Variants in DAPL1 observed in about 807,000 individuals in gnomAD.
The protein encoded by DAPL1 is death-associated protein-like 1.
DAPL1 carries 17 observed loss-of-function variants against 12.9 expected under a neutral mutation model. That is an observed-to-expected ratio of 1.32 (90% CI 0.90 to 1.98). The LOEUF (loss-of-function observed/expected upper bound fraction) is 1.98. DAPL1 is among the 30% of genes most tolerant of loss of function. The pLI, the probability that DAPL1 is intolerant of heterozygous loss-of-function variation, is 0.00. For missense variants in DAPL1, 157 were observed against 125.7 expected (o/e 1.25, Z -1.19); for synonymous variants, 51 against 42.0 (o/e 1.21, Z -0.82).
chr2:158,796,342 G>T (rs1468066561), intron 1 of DAPL1, among the ~76,000 whole-genome samples: 2 of 152,106 alleles, frequency 1.3e-5, no homozygotes, highest in Admixed American at 1.3e-4. Flanking sequence ...GGTGATGGCG[G>T]GTATTGTCTT....
rs1176532423 is a variant in DAPL1, at chr2:158,815,965, T to A, written c.*144T>A. 2 of 636,856 alleles carry A rather than the reference T, an allele frequency of 3.1e-6. No homozygotes were observed. Among genetic ancestry groups the A allele is most frequent in the African/African-American group, 3.7e-5 (2 of 54,648 alleles). The allele number at this position is 636,856 out of a possible 1,614,324, so 39.5% of individuals were successfully genotyped here. A position where few individuals can be genotyped will look rare whatever the true frequency, so the allele number is the denominator to read the frequency against. ...TATCTTCCCCTTTGACTTTAGGTAATAAAGCATCCAAACTTGTAAATCTGA... is the reference window on the plus strand; with the variant it reads ...TATCTTCCCCTTTGACTTTAGGTAAAAAAGCATCCAAACTTGTAAATCTGA... On this transcript the variant is annotated 3_prime_UTR_variant, in exon 4 of 4. Coordinates refer to ENST00000309950, the MANE Select transcript of DAPL1 (RefSeq NM_001017920.3).
At position 158,811,035 on chromosome 2, in the gene DAPL1, G is replaced by T. The variant is rs16843368; in HGVS notation, c.207+3920G>T. Among the ~76,000 whole-genome samples, 553 of 152,282 alleles carry T rather than the reference G, an allele frequency of 3.6e-3. 2 individuals are homozygous for T. The highest frequency in any genetic ancestry group is 0.013 in the African/African-American group (527 of 41,550). Reference sequence around the variant, plus strand: ...CTGGACAGTCATGGCAATAAATTTGGCAATAGTTGTGAAACTTCTCAGAAC... The same window carrying T: ...CTGGACAGTCATGGCAATAAATTTGTCAATAGTTGTGAAACTTCTCAGAAC... On this transcript the variant is annotated intron_variant, in intron 3 of 3. Transcript: ENST00000309950.
chr2:158,811,039 T>A (rs2059227647), intron 3 of DAPL1, among the ~76,000 whole-genome samples: 1 of 152,222 alleles, frequency 6.6e-6, no homozygotes, highest in South Asian at 2.1e-4. Flanking sequence ...AATTTGGCAA[T>A]AGTTGTGAAA....
At chr2:158,798,550 G>C (rs568009355) in intron 1 of DAPL1, among the ~76,000 whole-genome samples, 1 of 152,286 alleles carries the variant, frequency 6.6e-6, no homozygotes, top group South Asian at 2.1e-4. Context: ...ACTTCTAGAC[G>C]TGGCAACAGC....
At chr2:158,796,117 C>T (rs889298006) in intron 1 of DAPL1, among the ~76,000 whole-genome samples, 15 of 152,224 alleles carry the variant, frequency 9.9e-5, no homozygotes, top group Non-Finnish European at 2.9e-5. Flanking sequence ...TTTTATTGTA[C>T]TTAACCATAT....
intron 3 of DAPL1, among the ~76,000 whole-genome samples, chr2:158,812,108 C>G (rs1418998932): frequency 6.6e-6 from 1 of 152,336 alleles, no homozygotes; most frequent in East Asian, 1.9e-4. Context: ...ACTTGACTTT[C>G]CTGTTATCAT....
At chr2:158,799,307 A>G (rs892132463) in intron 1 of DAPL1, among the ~76,000 whole-genome samples, 6 of 152,192 alleles carry the variant, frequency 3.9e-5, no homozygotes, top group African/African-American at 1.2e-4. Context: ...ACTTTGCCCA[A>G]TTCCAATTGA....
intron 2 of DAPL1, among the ~76,000 whole-genome samples, chr2:158,806,324 G>A (rs1282522565): frequency 8.2e-6 from 1 of 122,344 alleles, no homozygotes; most frequent in Non-Finnish European, 2.0e-5. Context: ...AAAATAACTT[G>A]GCCTGAGAGA....
At chr2:158,808,201 C>T (rs10188387) in intron 3 of DAPL1, among the ~76,000 whole-genome samples, 18,765 of 152,182 alleles carry the variant, frequency 0.12, 1,248 homozygotes, top group Non-Finnish European at 0.13. Context: ...CTGTTGCAGC[C>T]AAAATCAGAT....
chr2:158,804,182 A>G, intron 1 of DAPL1, 100 bp from the exon 2 acceptor site: 1 of 777,880 alleles, frequency 1.3e-6, no homozygotes, highest in Non-Finnish European at 2.0e-6. Context: ...TTAAAAAATA[A>G]GTTCAAAAAT....
intron 1 of DAPL1, 60 bp from the exon 2 acceptor site, chr2:158,804,222 T>C (rs1180608483): frequency 8.5e-7 from 1 of 1,174,810 alleles, no homozygotes; most frequent in African/African-American, 1.5e-5. Context: ...ATACCTTTAA[T>C]AACAAAGCAA....
intron 3 of DAPL1, among the ~76,000 whole-genome samples, chr2:158,807,971 G>C (rs1478586500): frequency 6.6e-6 from 1 of 152,170 alleles, no homozygotes. Flanking sequence ...CTTCTAGGTA[G>C]TTCTAGAAAC....
rs141632212 is a variant in DAPL1, at chr2:158,804,323, G to A, written c.100G>A (p.Gly34Ser). Reference protein sequence around the residue: ...GMRISKKQEIGTLERHTKKTG... With the variant: ...GMRISKKQEISTLERHTKKTG... ...GAGAATTTCCAAAAAACAAGAAATT[G>A]GCACCTTGGAAAGACATACCAAAAA... is the stretch of plus-strand genomic sequence containing the variant. The change falls in exon 2 of 4, where the codon GGC (glycine) becomes AGC (serine). Residue 34 changes from glycine (G) to serine (S), a missense_variant. By Grantham distance (56) the Gly-to-Ser change is moderately conservative. Coordinates refer to ENST00000309950, the MANE Select transcript of DAPL1 (RefSeq NM_001017920.3). The A allele has an allele frequency of 2.0e-5, 32 of 1,611,622 alleles. No homozygotes were observed. The African/African-American group carries it at 3.9e-4, about 19-fold the overall frequency.
chr2:158,801,208 A>G (rs2059165661), intron 1 of DAPL1, among the ~76,000 whole-genome samples: 1 of 152,230 alleles, frequency 6.6e-6, no homozygotes, highest in Non-Finnish European at 1.5e-5. Context: ...TAATCCAGGT[A>G]GAAGAAAATG....
chr2:158,807,448 G>A (rs1477398877), intron 3 of DAPL1, among the ~76,000 whole-genome samples: 1 of 152,146 alleles, frequency 6.6e-6, no homozygotes, highest in Non-Finnish European at 1.5e-5. Context: ...CCTGTGGAGT[G>A]GGGCTTCAGT....
At chr2:158,806,610 G>C (rs2059202715) in intron 2 of DAPL1, among the ~76,000 whole-genome samples, 1 of 151,992 alleles carries the variant, frequency 6.6e-6, no homozygotes, top group South Asian at 2.1e-4. Context: ...TGAGGCGAGT[G>C]GATCACCTGA....
In DAPL1 at chr2:158,804,270, ATC is replaced by A; in HGVS notation, c.59-10_59-9del. ...TGTTCTAACTTCCATGCTGATTTTT[ATC>A]TGTTTGTAGTAAAAGCTGGAGGAAT... is the stretch of plus-strand genomic sequence containing the variant. On this transcript the variant is annotated splice_polypyrimidine_tract_variant and intron_variant, in intron 1 of 3. Coordinates refer to ENST00000309950, the MANE Select transcript of DAPL1 (RefSeq NM_001017920.3). The A allele has an allele frequency of 1.3e-6, 2 of 1,589,850 alleles. No individual in the cohort carries two copies. The highest frequency in any genetic ancestry group is 8.6e-7 in the Non-Finnish European group (1 of 1,162,602).
At chr2:158,807,524 G>A (rs2059209137) in intron 3 of DAPL1, 1 of 162,828 alleles carries the variant, frequency 6.1e-6, no homozygotes. Context: ...GAGAGGGTGG[G>A]TGGTAGAGGG....
intron 3 of DAPL1, 136 bp downstream of exon 3, chr2:158,807,251 C>G (rs750515150): frequency 2.3e-5 from 12 of 513,014 alleles, no homozygotes; most frequent in Non-Finnish European, 4.1e-5. Flanking sequence ...AATTTGTTCT[C>G]TGTCAGAGGA....
Sources: gnomAD v4.1 joint callset for allele counts (sites outside exome capture counted in the v4.1 genomes callset) on GRCh38, gnomAD v4.1.1 for gene constraint, MANE v1.5 for transcripts, NCBI Gene and HGNC (gene_info 2026-07-23, HGNC 2026-07-21) for gene names.